Variants in KLF17 observed in about 807,000 individuals in gnomAD.
The protein encoded by KLF17 is Krueppel-like factor 17.
Under a neutral mutation model 34.2 loss-of-function variants are expected in KLF17, and 31 were observed. The ratio of observed to expected loss-of-function variants is 0.91; its 90% confidence interval spans 0.68 to 1.22. The LOEUF (loss-of-function observed/expected upper bound fraction) is 1.22. Among genes scored for constraint, KLF17 ranks in the 50% most tolerant of loss-of-function variants. KLF17 has a pLI of 0.00. For synonymous variants in KLF17, 179 were observed against 186.7 expected, an observed-to-expected ratio of 0.96 and a Z score of 0.34; for missense variants, 478 against 505.2, an observed-to-expected ratio of 0.95 and a Z score of 0.52.
the KLF17 span, among the ~76,000 whole-genome samples, chr1:44,095,054 C>A: frequency 6.6e-6 from 1 of 151,574 alleles, no homozygotes. Flanking sequence ...GTGCCTGCTA[C>A]CATACCTGGC....
At chr1:44,059,716 G>A in the KLF17 span, among the ~76,000 whole-genome samples, 1 of 151,950 alleles carries the variant, frequency 6.6e-6, no homozygotes, top group Non-Finnish European at 1.5e-5. Flanking sequence ...TATCTCCAAT[G>A]CACTAATGAT....
At chr1:44,091,618 T>C in the KLF17 span, among the ~76,000 whole-genome samples, 1 of 121,118 alleles carries the variant, frequency 8.3e-6, no homozygotes, top group East Asian at 2.3e-4. Context: ...ATCGTGCCAC[T>C]GCATGAGACT....
the KLF17 span, among the ~76,000 whole-genome samples, chr1:44,046,752 G>A: frequency 1.3e-5 from 2 of 152,160 alleles, no homozygotes; most frequent in Non-Finnish European, 2.9e-5. Context: ...TGGGTACAGT[G>A]GCTCACGCCT....
chr1:44,059,618 C>T, the KLF17 span, among the ~76,000 whole-genome samples: 1 of 152,164 alleles, frequency 6.6e-6, no homozygotes, highest in Non-Finnish European at 1.5e-5. Context: ...TTAAGTGAAA[C>T]TCTCCTCCTG....
chr1:44,062,338 T>A, the KLF17 span, among the ~76,000 whole-genome samples: 3 of 152,186 alleles, frequency 2.0e-5, no homozygotes, highest in African/African-American at 7.2e-5. Flanking sequence ...TATGCCTATA[T>A]CTGTATCTAT....
At position 44,129,280 on chromosome 1, in the gene KLF17, G is replaced by T. The variant is rs1046860252; in HGVS notation, c.82-73G>T. 1.1e-5 allele frequency: 16 copies of T among 1,476,200 alleles called. No homozygotes were observed. In the Middle Eastern group the frequency reaches 9.0e-4, roughly 83 times the overall value. 91.4% of individuals were successfully genotyped at this position (1,476,200 alleles called of 1,614,324 possible). On this transcript the variant is annotated intron_variant, in intron 1 of 3. Coordinates refer to ENST00000372299, the MANE Select transcript of KLF17 (RefSeq NM_173484.4). ...GAAATAGAGGGCTGGATTAGGATGG[G>T]GTCTGGGGATGAAGAGGAGGAACAT...
At chr1:44,133,002 A>G (rs548613271) in intron 3 of KLF17, among the ~76,000 whole-genome samples, 3 of 152,298 alleles carry the variant, frequency 2.0e-5, no homozygotes, top group South Asian at 4.1e-4. Context: ...GGTGCCTTCT[A>G]TGGGTGTTTC....
At chr1:44,056,003 T>C in the KLF17 span, among the ~76,000 whole-genome samples, 9 of 152,234 alleles carry the variant, frequency 5.9e-5, no homozygotes, top group Non-Finnish European at 1.2e-4. Flanking sequence ...TGCTTTCTTT[T>C]ATATAACTTT....
At chr1:44,083,013 G>A in the KLF17 span, among the ~76,000 whole-genome samples, 3 of 149,962 alleles carry the variant, frequency 2.0e-5, no homozygotes, top group Non-Finnish European at 4.4e-5. Context: ...GCCATCATAG[G>A]CCACTATACC....
At chr1:44,124,344 T>C (rs1200961733) in intron 1 of KLF17, among the ~76,000 whole-genome samples, 1 of 151,808 alleles carries the variant, frequency 6.6e-6, no homozygotes, top group Non-Finnish European at 1.5e-5. Context: ...CTTTTTTTTT[T>C]TTTGAGACAG....
At chr1:44,047,992 TTG>T in the KLF17 span, 1 of 129,134 alleles carries the variant, frequency 7.7e-6, no homozygotes, top group Non-Finnish European at 1.7e-5. Flanking sequence ...TAAGAGAACA[TTG>T]TGTGTGTATG....
rs201093755 is a variant in KLF17 at position 44,118,969 on chromosome 1, C to T, written c.62C>T (p.Ala21Val). 1.1e-5 allele frequency: 18 copies of T among 1,609,830 alleles called. No homozygotes were observed. In the East Asian group the frequency reaches 3.8e-4, roughly 34 times the overall value. ...GCTGGGGAGCTGAGCCGGTGGCAGG[C>T]GGCGCACCAGGCTGCCCAGGTGAGT... The part of the protein sequence containing the change: ...QEAGELSRWQ[A>V]AHQAAQDNEN... Residue 21 changes from alanine (A) to valine (V), a missense_variant, in exon 1 of 4, where the codon GCG becomes GTG. Coordinates refer to ENST00000372299, the MANE Select transcript of KLF17 (RefSeq NM_173484.4).
the KLF17 span, among the ~76,000 whole-genome samples, chr1:44,053,035 G>C: frequency 4.6e-5 from 7 of 151,878 alleles, no homozygotes; most frequent in Admixed American, 4.6e-4. Context: ...AAGTAGCTGG[G>C]ATTACAGGCG....
At chr1:44,066,567 A>G in the KLF17 span, among the ~76,000 whole-genome samples, 1 of 152,010 alleles carries the variant, frequency 6.6e-6, no homozygotes, top group Non-Finnish European at 1.5e-5. Context: ...TCTCTTATAC[A>G]TTAATGGTTG....
At position 44,130,075 on chromosome 1, in the gene KLF17, T is replaced by C. The variant is rs1289204724; in HGVS notation, c.804T>C (p.Pro268=). ...AGACAGTAGAGAAGAACTCCAGGCCTCAGGAAGGGACTGGTAGAAGGGGCT... is the reference window on the plus strand; with the variant it reads ...AGACAGTAGAGAAGAACTCCAGGCCCCAGGAAGGGACTGGTAGAAGGGGCT... The part of the protein sequence containing the change: ...APQTVEKNSR[P]QEGTGRRGSS... The change falls in exon 2 of 4, where the codon CCT becomes CCC. Residue 268 remains proline, a synonymous_variant. Coordinates refer to ENST00000372299, the MANE Select transcript of KLF17 (RefSeq NM_173484.4). 1 of 1,614,066 alleles carries C rather than the reference T, an allele frequency of 6.2e-7. No homozygotes were observed. Among genetic ancestry groups the C allele is most frequent in the Non-Finnish European group, 8.5e-7 (1 of 1,180,032 alleles).
chr1:44,124,934 C>T (rs964066725), intron 1 of KLF17, among the ~76,000 whole-genome samples: 6 of 152,204 alleles, frequency 3.9e-5, no homozygotes, highest in Admixed American at 2.6e-4. Flanking sequence ...TGTATAGCTC[C>T]ATTCCCACCT....
chr1:44,130,533 A>G lies in KLF17; in HGVS notation c.947A>G (p.Asn316Ser), dbSNP rs1320655865. ...CCAGGTGAGAGGCCATATTCTTGCA[A>G]CTGGGAAAGTTGTTCATGGTCTTTC... ...KHTGERPYSC[N>S]WESCSWSFFR... is the part of the protein sequence containing the mutation. The change falls in exon 3 of 4, where the codon AAC (asparagine) becomes AGC (serine). Residue 316 changes from asparagine to serine, a missense_variant. Asn to Ser is a conservative substitution (Grantham distance 46, BLOSUM62 1). Transcript: ENST00000372299. The G allele has an allele frequency of 6.2e-7, 1 of 1,614,024 alleles. No individual in the cohort carries two copies. The highest frequency in any genetic ancestry group is 8.5e-7 in the Non-Finnish European group (1 of 1,180,018).
At chr1:44,054,642 G>A in the KLF17 span, among the ~76,000 whole-genome samples, 9 of 151,618 alleles carry the variant, frequency 5.9e-5, no homozygotes, top group Admixed American at 3.3e-4. Context: ...CACCATGACC[G>A]GCTAATTTTT....
chr1:44,059,585 C>A, the KLF17 span, among the ~76,000 whole-genome samples: 12 of 152,220 alleles, frequency 7.9e-5, no homozygotes, highest in Admixed American at 6.5e-4. Context: ...ATAGTGATCC[C>A]CAAATACCCA....
Sources: allele counts gnomAD v4.1 joint callset (sites outside exome capture counted in the v4.1 genomes callset), GRCh38; gene constraint gnomAD v4.1.1; transcripts MANE v1.5; gene names NCBI Gene and HGNC (gene_info 2026-07-23, HGNC 2026-07-21).